The following C6orf89 variants were observed in gnomAD, a reference collection of about 807,000 sequenced individuals.
The protein encoded by C6orf89 is chromosome 6 open reading frame 89.
In C6orf89, 29 loss-of-function variants were observed where a neutral mutation model predicts 40.7. That is an observed-to-expected ratio of 0.71 (90% CI 0.53 to 0.97). C6orf89 has a LOEUF of 0.97. Among genes scored for constraint, C6orf89 ranks in the 50% least tolerant of loss-of-function variants. The pLI is 0.00. For synonymous variants in C6orf89, 165 were observed against 152.2 expected (o/e 1.08, Z -0.62); for missense variants, 392 against 429.1 (o/e 0.91, Z 0.76).
rs572884233 is a variant in C6orf89, at chr6:36,877,572, G to T, written c.-627-1436G>T. Among the ~76,000 whole-genome samples, 6 of 152,180 alleles carry T rather than the reference G, an allele frequency of 3.9e-5. No individual in the cohort carries two copies. In the South Asian group the frequency reaches 1.2e-3, roughly 32 times the overall value. ...TCTCAATCTCTTGACCTTGTGATCT[G>T]CCCACCTTGGCCTCCCAAAGTGCTG... On this transcript the variant is annotated intron_variant, in intron 1 of 9. Coordinates refer to the C6orf89 transcript ENST00000359359.
intron 1 of C6orf89, chr6:36,892,754 G>C (rs2150682548): frequency 6.6e-6 from 1 of 152,288 alleles, no homozygotes; most frequent in Admixed American, 6.5e-5. Flanking sequence ...GATCCTGCCT[G>C]TGCCCTTGCA....
upstream of C6orf89, among the ~76,000 whole-genome samples, chr6:36,882,877 AC>A (rs1489222389): frequency 6.0e-5 from 9 of 151,170 alleles, no homozygotes; most frequent in Non-Finnish European, 1.3e-4. Flanking sequence ...AGCTGGGACT[AC>A]AGGCGCCCGC....
At position 36,878,285 on chromosome 6, in the gene C6orf89, T is replaced by C. The variant is rs140612279; in HGVS notation, c.-627-723T>C. Among the ~76,000 whole-genome samples the C allele has an allele frequency of 2.5e-3, 375 of 152,376 alleles. 1 individual carries two copies. Among genetic ancestry groups the C allele is most frequent in the African/African-American group, 8.7e-3 (363 of 41,588 alleles). ...CTGTTTCATTGGTTTCATACATTTA[T>C]GTCACTGTCACACTACCTCTGTAGC... On this transcript the variant is annotated intron_variant, in intron 1 of 9. Coordinates refer to the C6orf89 transcript ENST00000359359.
At chr6:36,917,028 A>T (rs143280920) in intron 7 of C6orf89, among the ~76,000 whole-genome samples, 2 of 152,112 alleles carry the variant, frequency 1.3e-5, no homozygotes, top group Non-Finnish European at 2.9e-5. Context: ...CCTGGGCAAT[A>T]TAGGGAGACC....
Position 36,910,229 on chromosome 6 carries a change from G to A in C6orf89, c.404-4055G>A, listed in dbSNP as rs147216192. Reference sequence around the variant, plus strand: ...CCTGCCTCAGCCTCCTGAGTAGCTGGGACTAAAGTGCCACCATGCCCAGCT... The same window carrying A: ...CCTGCCTCAGCCTCCTGAGTAGCTGAGACTAAAGTGCCACCATGCCCAGCT... On this transcript the variant is annotated intron_variant, in intron 4 of 8. Transcript: ENST00000480824. Among the ~76,000 whole-genome samples, 366 of 151,784 alleles carry A rather than the reference G, an allele frequency of 2.4e-3. 1 individual carries two copies. Among genetic ancestry groups the A allele is most frequent in the African/African-American group, 8.6e-3 (354 of 41,392 alleles).
chr6:36,913,866 A>G (rs1472135932), intron 4 of C6orf89, among the ~76,000 whole-genome samples: 4 of 147,826 alleles, frequency 2.7e-5, no homozygotes, highest in Non-Finnish European at 6.0e-5. Context: ...GTTTGTTTTT[A>G]AAAATTATTA....
chr6:36,874,181 A>T (rs2150663619), intron 1 of C6orf89, among the ~76,000 whole-genome samples: 1 of 152,340 alleles, frequency 6.6e-6, no homozygotes, highest in East Asian at 1.9e-4. Flanking sequence ...AGTTGCTAAG[A>T]TTAAACTAAA....
intron 1 of C6orf89, chr6:36,875,157 C>A: frequency 2.7e-5 from 6 of 222,464 alleles, no homozygotes; most frequent in Non-Finnish European, 3.6e-5. Context: ...TGGGCAGGGA[C>A]GGGAAGGGGA....
rs774077906 is a variant in C6orf89 at position 36,926,209 on chromosome 6, A to G, written c.*2768A>G. The G allele has an allele frequency of 1.3e-5, 2 of 152,132 alleles. No individual in the cohort carries two copies. The highest frequency in any genetic ancestry group is 1.9e-4 in the East Asian group (1 of 5,180). The allele number at this position is 152,132 out of a possible 1,614,324, so 9.4% of individuals were successfully genotyped here. On this transcript the variant is annotated 3_prime_UTR_variant, in exon 9 of 9. Coordinates refer to ENST00000480824, the MANE Select transcript of C6orf89 (RefSeq NM_001286635.2). Reference sequence around the variant, plus strand: ...TGAAAAAAGGCAGAGCTTATCCTCAATTTTTTTTAGGGAAGAGAAGGAATA... The same window carrying G: ...TGAAAAAAGGCAGAGCTTATCCTCAGTTTTTTTTAGGGAAGAGAAGGAATA...
At chr6:36,889,736 G>A (rs761095372) in intron 1 of C6orf89, among the ~76,000 whole-genome samples, 1 of 152,118 alleles carries the variant, frequency 6.6e-6, no homozygotes, top group Admixed American at 6.5e-5. Context: ...GATAGTTAAG[G>A]AAACTTGACT....
chr6:36,904,067 A>G (rs1353665391), intron 4 of C6orf89, among the ~76,000 whole-genome samples: 1 of 152,072 alleles, frequency 6.6e-6, no homozygotes, highest in Admixed American at 6.5e-5. Flanking sequence ...TTCCTCAGAC[A>G]CACCAGTCTC....
In C6orf89 at chr6:36,923,866, C is replaced by A. The variant is rs1374590370; in HGVS notation, c.*425C>A. On this transcript the variant is annotated 3_prime_UTR_variant, in exon 9 of 9. Coordinates refer to ENST00000480824, the MANE Select transcript of C6orf89 (RefSeq NM_001286635.2). ...CCTTTACCAGGTGGGCCTGCTTGTC[C>A]CTGTCTTGCCTGCCACATCACTCTA... The A allele has an allele frequency of 2.2e-5, 6 of 270,804 alleles. No individual in the cohort carries two copies. The highest frequency in any genetic ancestry group is 4.4e-5 in the Non-Finnish European group (6 of 136,880). 16.8% of individuals were successfully genotyped at this position (270,804 alleles called of 1,614,324 possible).
chr6:36,914,967 G>A (rs1180961450), intron 6 of C6orf89, among the ~76,000 whole-genome samples: 2 of 152,222 alleles, frequency 1.3e-5, no homozygotes, highest in Non-Finnish European at 2.9e-5. Context: ...TCCAGCTTGG[G>A]TGACAGAGTG....
At chr6:36,871,974 C>A (rs1490793950) in intron 1 of C6orf89, 2 of 1,123,782 alleles carry the variant, frequency 1.8e-6, no homozygotes, top group East Asian at 6.2e-5. Flanking sequence ...GCTTGTAAGT[C>A]ATGAAATTGT....
chr6:36,872,062 G>T, intron 1 of C6orf89: 2 of 493,546 alleles, frequency 4.1e-6, no homozygotes, highest in Non-Finnish European at 3.3e-6. Context: ...TCTTTTTTGA[G>T]TAAAACACGC....
At chr6:36,888,595 C>T (rs1008376782) in intron 1 of C6orf89, among the ~76,000 whole-genome samples, 1 of 152,160 alleles carries the variant, frequency 6.6e-6, no homozygotes, top group East Asian at 1.9e-4. Flanking sequence ...GATCATGTCA[C>T]TGCACTCCAG....
intron 7 of C6orf89, 63 bp from the exon 8 acceptor site, chr6:36,919,515 C>G: frequency 6.4e-7 from 1 of 1,556,732 alleles, no homozygotes; most frequent in African/African-American, 1.4e-5. Context: ...ATTTACTAAA[C>G]CCCCTGGTTT....
chr6:36,895,614 G>A (rs1583161161), intron 2 of C6orf89, among the ~76,000 whole-genome samples: 1 of 152,160 alleles, frequency 6.6e-6, no homozygotes, highest in East Asian at 1.9e-4. Context: ...AGTTTTTCGT[G>A]ACTGTCTTCT....
chr6:36,888,015 G>A (rs1158769699), intron 1 of C6orf89, among the ~76,000 whole-genome samples: 3 of 152,142 alleles, frequency 2.0e-5, no homozygotes, highest in Non-Finnish European at 4.4e-5. Context: ...GAACCACCAT[G>A]CTTGACTTAG....
Sources: gnomAD v4.1 joint callset for allele counts (sites outside exome capture counted in the v4.1 genomes callset) on GRCh38, gnomAD v4.1.1 for gene constraint, MANE v1.5 for transcripts, NCBI Gene and HGNC (gene_info 2026-07-23, HGNC 2026-07-21) for gene names.